The following DSCAM variants were observed in gnomAD, a reference collection of about 807,000 sequenced individuals.
DSCAM encodes cell adhesion molecule DSCAM.
DSCAM carries 47 observed loss-of-function variants against 217.7 expected under a neutral mutation model. That is an observed-to-expected ratio of 0.22 (90% CI 0.17 to 0.28). The LOEUF is 0.28. Among genes scored for constraint, DSCAM ranks in the 10% least tolerant of loss-of-function variants. The pLI, the probability that DSCAM is intolerant of heterozygous loss-of-function variation, is 1.00. For missense variants in DSCAM, 2,080 were observed against 2,618.3 expected (o/e 0.79, Z 4.49); for synonymous variants, 1,056 against 1,015.3 (o/e 1.04, Z -0.76).
At chr21:40,193,049 T>C (rs377399988) in intron 11 of DSCAM, among the ~76,000 whole-genome samples, 106 of 152,212 alleles carry the variant, frequency 7.0e-4, no homozygotes, top group African/African-American at 2.4e-3. Context: ...TGGCCGGAGA[T>C]TGGAGAGAGA....
chr21:40,222,694 A>G (rs9982499), intron 11 of DSCAM, among the ~76,000 whole-genome samples: 78,890 of 151,960 alleles, frequency 0.52, 20,777 homozygotes, highest in Middle Eastern at 0.63. Context: ...ATTAAGAAGT[A>G]TATTTATGAT....
chr21:40,099,609 A>G (rs566944346), intron 20 of DSCAM, among the ~76,000 whole-genome samples: 1 of 152,326 alleles, frequency 6.6e-6, no homozygotes, highest in African/African-American at 2.4e-5. Context: ...TCTTTGGAAT[A>G]TATGTAACTG....
At chr21:40,337,982 C>T (rs2074445512) in intron 8 of DSCAM, 119 bp downstream of exon 8, 1 of 1,269,792 alleles carries the variant, frequency 7.9e-7, no homozygotes, top group African/African-American at 1.5e-5. Context: ...ATTCTTCAGC[C>T]TGTACAATTA....
intron 20 of DSCAM, among the ~76,000 whole-genome samples, chr21:40,103,497 T>A (rs1259585481): frequency 1.3e-5 from 2 of 152,156 alleles, no homozygotes. Context: ...AAAATTCTTA[T>A]GTATAATATA....
intron 1 of DSCAM, among the ~76,000 whole-genome samples, chr21:40,789,267 T>TAAA (rs200298125): frequency 6.8e-6 from 1 of 146,348 alleles, no homozygotes; most frequent in Non-Finnish European, 1.5e-5. Context: ...CAATCAAGAT[T>TAAA]AAAAAAAAAA....
intron 20 of DSCAM, among the ~76,000 whole-genome samples, chr21:40,106,892 T>C (rs1198759102): frequency 1.1e-5 from 1 of 90,302 alleles, no homozygotes; most frequent in Non-Finnish European, 2.8e-5. Context: ...TAGTGGTCTA[T>C]CTATTTTATT....
At chr21:40,640,410 C>T (rs1003410771) in intron 3 of DSCAM, among the ~76,000 whole-genome samples, 2 of 152,182 alleles carry the variant, frequency 1.3e-5, no homozygotes, top group Non-Finnish European at 1.5e-5. Flanking sequence ...GTAACCCTAA[C>T]ACCCCTCCCT....
At chr21:40,630,820 T>A (rs749317168) in intron 3 of DSCAM, 3 of 152,070 alleles carry the variant, frequency 2.0e-5, no homozygotes, top group Non-Finnish European at 4.4e-5. Flanking sequence ...CGGTAGAGTG[T>A]CACCCAAAGG....
At chr21:40,191,282 T>C (rs2146835064) in intron 11 of DSCAM, among the ~76,000 whole-genome samples, 1 of 152,308 alleles carries the variant, frequency 6.6e-6, no homozygotes, top group Admixed American at 6.5e-5. Context: ...TCAGCAGCCA[T>C]GTGGCAGAGA....
At chr21:40,473,729 A>G (rs563891845) in intron 3 of DSCAM, among the ~76,000 whole-genome samples, 10 of 152,258 alleles carry the variant, frequency 6.6e-5, no homozygotes, top group South Asian at 2.1e-4. Flanking sequence ...ATTAAGGTAA[A>G]GTGAGGTCAT....
At chr21:40,736,510 G>GT (rs1218348868) in intron 1 of DSCAM, among the ~76,000 whole-genome samples, 1 of 152,166 alleles carries the variant, frequency 6.6e-6, no homozygotes, top group Non-Finnish European at 1.5e-5. Context: ...CAAGATCACA[G>GT]TATCCACAGG....
intron 1 of DSCAM, among the ~76,000 whole-genome samples, chr21:40,815,454 T>C (rs543924198): frequency 6.6e-6 from 1 of 152,290 alleles, no homozygotes; most frequent in South Asian, 2.1e-4. Context: ...AGGATAAAGC[T>C]GGCACCAACC....
chr21:40,202,954 A>G (rs923413066), intron 11 of DSCAM, among the ~76,000 whole-genome samples: 2 of 152,212 alleles, frequency 1.3e-5, no homozygotes, highest in Admixed American at 1.3e-4. Flanking sequence ...TGGTGTAATA[A>G]TGAGGATGAT....
At chr21:40,453,528 G>A (rs1356350578) in intron 3 of DSCAM, among the ~76,000 whole-genome samples, 1 of 152,134 alleles carries the variant, frequency 6.6e-6, no homozygotes, top group African/African-American at 2.4e-5. Flanking sequence ...TACCCTCAAC[G>A]ATTTTCCAGC....
intron 1 of DSCAM, among the ~76,000 whole-genome samples, chr21:40,770,146 C>T (rs1054563894): frequency 2.0e-5 from 3 of 152,118 alleles, no homozygotes; most frequent in African/African-American, 7.2e-5. Flanking sequence ...CAATTATCTT[C>T]CTAAAAACAA....
At chr21:40,250,334 A>T (rs2073285371) in intron 11 of DSCAM, among the ~76,000 whole-genome samples, 1 of 152,206 alleles carries the variant, frequency 6.6e-6, no homozygotes, top group African/African-American at 2.4e-5. Context: ...ATATGAATAA[A>T]GGGAGATGAA....
intron 3 of DSCAM, among the ~76,000 whole-genome samples, chr21:40,657,247 C>G (rs2090086640): frequency 1.3e-5 from 2 of 152,094 alleles, no homozygotes; most frequent in Admixed American, 6.5e-5. Flanking sequence ...GAGGCATGAA[C>G]AGTGTATATT....
At chr21:40,705,982 C>T (rs766537177) in intron 2 of DSCAM, among the ~76,000 whole-genome samples, 4 of 151,980 alleles carry the variant, frequency 2.6e-5, no homozygotes, top group Non-Finnish European at 4.4e-5. Context: ...AGATGGAGAC[C>T]ATCCTGGCTA....
chr21:40,693,306 T>C (rs2090559128), intron 2 of DSCAM, among the ~76,000 whole-genome samples: 1 of 151,884 alleles, frequency 6.6e-6, no homozygotes, highest in Non-Finnish European at 1.5e-5. Flanking sequence ...CATGGTGGTG[T>C]GTGATTGTAG....
Sources: gnomAD v4.1 joint callset for allele counts (sites outside exome capture counted in the v4.1 genomes callset) on GRCh38, gnomAD v4.1.1 for gene constraint, MANE v1.5 for transcripts, NCBI Gene and HGNC (gene_info 2026-07-23, HGNC 2026-07-21) for gene names.